The following CA10 variants were observed in gnomAD, a reference collection of about 807,000 sequenced individuals.
The protein encoded by CA10 is carbonic anhydrase-related protein 10.
In CA10, 14 loss-of-function variants were observed where a neutral mutation model predicts 44.2. The ratio of observed to expected loss-of-function variants is 0.32; its 90% CI spans 0.21 to 0.50. The LOEUF (loss-of-function observed/expected upper bound fraction) is 0.50. Among genes scored for constraint, CA10 ranks in the 20% least tolerant of loss-of-function variants. CA10 has a pLI of 0.99. For missense variants in CA10, 350 were observed against 409.7 expected (o/e 0.85, Z 1.26); for synonymous variants, 159 against 141.6 (o/e 1.12, Z -0.87).
At chr17:52,042,420 T>G (rs1986796324) in intron 2 of CA10, among the ~76,000 whole-genome samples, 1 of 152,074 alleles carries the variant, frequency 6.6e-6, no homozygotes, top group African/African-American at 2.4e-5. Flanking sequence ...CTAGATCATT[T>G]GCACAATTTT....
chr17:51,822,229 GC>G (rs778871944), intron 3 of CA10, among the ~76,000 whole-genome samples: 4 of 151,972 alleles, frequency 2.6e-5, no homozygotes, highest in Non-Finnish European at 4.4e-5. Context: ...AACTAGCCTG[GC>G]CAACATTGAA....
intron 4 of CA10, among the ~76,000 whole-genome samples, chr17:51,724,938 T>C (rs1916464955): frequency 6.6e-6 from 1 of 152,256 alleles, no homozygotes; most frequent in South Asian, 2.1e-4. Context: ...GTTTTCACTG[T>C]TGAGTGCCTA....
intron 3 of CA10, among the ~76,000 whole-genome samples, chr17:51,911,016 A>C (rs1981768502): frequency 6.6e-6 from 1 of 152,190 alleles, no homozygotes; most frequent in African/African-American, 2.4e-5. Context: ...TGGAAGACAT[A>C]GGTGATAATG....
chr17:51,745,173 G>A (rs1377791475), intron 4 of CA10, among the ~76,000 whole-genome samples: 1 of 152,064 alleles, frequency 6.6e-6, no homozygotes, highest in Non-Finnish European at 1.5e-5. Flanking sequence ...CCCCTTTTTA[G>A]CAGTGTGATT....
At chr17:51,990,864 G>A (rs1165208220) in intron 2 of CA10, among the ~76,000 whole-genome samples, 1 of 152,054 alleles carries the variant, frequency 6.6e-6, no homozygotes, top group Non-Finnish European at 1.5e-5. Context: ...AGGAGGTGCT[G>A]CCAGGTCAGA....
At chr17:51,831,733 A>AGCAGCAGCAGCAGCCGCCGCCGCCGCAGC (rs1567854687) in intron 3 of CA10, among the ~76,000 whole-genome samples, 1 of 121,522 alleles carries the variant, frequency 8.2e-6, no homozygotes, top group African/African-American at 4.1e-5. Flanking sequence ...GCAGCAGCAG[A>AGCAGCAGCAGCAGCCGCCGCCGCCGCAGC]AAAAGACCTT....
intron 3 of CA10, among the ~76,000 whole-genome samples, chr17:51,790,300 T>A (rs1032551958): frequency 6.6e-6 from 1 of 152,120 alleles, no homozygotes; most frequent in South Asian, 2.1e-4. Flanking sequence ...ACTCAGCAGA[T>A]CTAATGTGCC....
chr17:51,684,754 G>T (rs1914954357), intron 4 of CA10, among the ~76,000 whole-genome samples: 1 of 152,178 alleles, frequency 6.6e-6, no homozygotes, highest in African/African-American at 2.4e-5. Flanking sequence ...CCCAGAGTTG[G>T]TGCTCTCAAA....
chr17:51,678,013 T>C (rs1297224228), intron 4 of CA10, among the ~76,000 whole-genome samples: 1 of 152,002 alleles, frequency 6.6e-6, no homozygotes, highest in Non-Finnish European at 1.5e-5. Flanking sequence ...AATGAATGAA[T>C]GGGCAATTTG....
chr17:51,957,944 T>A (rs1255266793), intron 2 of CA10, among the ~76,000 whole-genome samples: 1 of 151,864 alleles, frequency 6.6e-6, no homozygotes. Context: ...TTGTGTATAT[T>A]CCCAGAGAAG....
At chr17:51,784,662 G>T (rs1055952457) in intron 3 of CA10, among the ~76,000 whole-genome samples, 1 of 152,118 alleles carries the variant, frequency 6.6e-6, no homozygotes, top group Non-Finnish European at 1.5e-5. Flanking sequence ...GTACACAGTA[G>T]GTGTATGTAT....
chr17:51,635,747 T>A, intron 7 of CA10, 108 bp downstream of exon 7: 1 of 826,432 alleles, frequency 1.2e-6, no homozygotes, highest in Non-Finnish European at 1.8e-6. Flanking sequence ...TTTGTGGGAC[T>A]TTGTTATAGT....
intron 4 of CA10, among the ~76,000 whole-genome samples, chr17:51,741,172 C>A (rs1904447798): frequency 6.6e-6 from 1 of 152,184 alleles, no homozygotes; most frequent in Admixed American, 6.5e-5. Flanking sequence ...CTGCAGCCAC[C>A]TATGGGCATG....
intron 2 of CA10, among the ~76,000 whole-genome samples, chr17:51,944,518 G>A (rs1983201259): frequency 6.6e-6 from 1 of 152,092 alleles, no homozygotes; most frequent in Admixed American, 6.5e-5. Flanking sequence ...TTATCATAAT[G>A]AAACACTGAA....
intron 3 of CA10, among the ~76,000 whole-genome samples, chr17:51,843,476 C>A (rs1264929119): frequency 6.6e-6 from 1 of 152,164 alleles, no homozygotes; most frequent in Admixed American, 6.5e-5. Flanking sequence ...TGCTACAGGG[C>A]AGGTTAAAAT....
chr17:52,133,761 A>G (rs977943961), intron 1 of CA10, among the ~76,000 whole-genome samples: 1 of 152,162 alleles, frequency 6.6e-6, no homozygotes, highest in Non-Finnish European at 1.5e-5. Context: ...GTGACTCTGG[A>G]TATTATAGCC....
chr17:51,645,091 C>T (rs561951913), intron 6 of CA10, among the ~76,000 whole-genome samples: 33 of 152,082 alleles, frequency 2.2e-4, no homozygotes, highest in Non-Finnish European at 4.4e-4. Flanking sequence ...CCACTGTGCC[C>T]GGCCTCTTGG....
chr17:51,903,107 T>C (rs1981389582), intron 3 of CA10, among the ~76,000 whole-genome samples: 1 of 152,138 alleles, frequency 6.6e-6, no homozygotes, highest in African/African-American at 2.4e-5. Context: ...AACTTAAGAT[T>C]GACCAAATGA....
intron 2 of CA10, among the ~76,000 whole-genome samples, chr17:52,004,195 G>A (rs1742944230): frequency 6.6e-6 from 1 of 151,816 alleles, no homozygotes; most frequent in Admixed American, 6.6e-5. Context: ...TTAATATCTT[G>A]TTTTCAGCAC....
Sources: gnomAD v4.1 joint callset for allele counts (sites outside exome capture counted in the v4.1 genomes callset) on GRCh38, gnomAD v4.1.1 for gene constraint, MANE v1.5 for transcripts, NCBI Gene and HGNC (gene_info 2026-07-23, HGNC 2026-07-21) for gene names.